Variants in CACNA1D observed in about 807,000 individuals in gnomAD.
The protein encoded by CACNA1D is voltage-dependent L-type calcium channel subunit alpha-1D.
CACNA1D carries 55 observed loss-of-function variants against 257.1 expected under a neutral mutation model. The ratio of observed to expected loss-of-function variants is 0.21; its 90% CI spans 0.17 to 0.27. The LOEUF (loss-of-function observed/expected upper bound fraction) is 0.27. Among genes scored for constraint, CACNA1D ranks in the 10% least tolerant of loss-of-function variants. CACNA1D has a pLI of 1.00. For synonymous variants in CACNA1D, 980 were observed against 1,014.9 expected (o/e 0.97, Z 0.65); for missense variants, 1,876 against 2,784.0 (o/e 0.67, Z 7.34).
At chr3:53,557,029 CT>C (rs1159538382) in intron 3 of CACNA1D, among the ~76,000 whole-genome samples, 1 of 152,074 alleles carries the variant, frequency 6.6e-6, no homozygotes, top group African/African-American at 2.4e-5. Context: ...TTTCTGTTCT[CT>C]AAGTGTGTTT....
At position 53,812,437 on chromosome 3, in the gene CACNA1D, C is replaced by T. The variant is rs1479406271; in HGVS notation, c.*1031C>T. On this transcript the variant is annotated 3_prime_UTR_variant, in exon 48 of 48. Transcript: ENST00000350061. ...AATTTTTCTAAAATATTTTGAGTCA[C>T]TATAAACCTATCATCTTTCCACAAG... 6.6e-6 allele frequency: 1 copy of T among 152,208 alleles called. No individual in the cohort carries two copies. The highest frequency in any genetic ancestry group is 2.4e-5 in the African/African-American group (1 of 41,440). 9.4% of individuals were successfully genotyped at this position (152,208 alleles called of 1,614,324 possible). A position where few individuals can be genotyped will look rare whatever the true frequency, so the allele number is the denominator to read the frequency against.
At chr3:53,535,562 T>G (rs1415372889) in intron 3 of CACNA1D, among the ~76,000 whole-genome samples, 1 of 152,230 alleles carries the variant, frequency 6.6e-6, no homozygotes, top group East Asian at 1.9e-4. Context: ...AGCTCTGCAT[T>G]GGATGGATCT....
chr3:53,519,706 T>C (rs902113611), intron 3 of CACNA1D, among the ~76,000 whole-genome samples: 2 of 152,252 alleles, frequency 1.3e-5, no homozygotes, highest in African/African-American at 2.4e-5. Flanking sequence ...CAGTGTTTTT[T>C]ACTATATTCA....
chr3:53,787,038 T>C, intron 40 of CACNA1D, 86 bp downstream of exon 40: 1 of 1,392,484 alleles, frequency 7.2e-7, no homozygotes, highest in Non-Finnish European at 1.0e-6. Context: ...CTATTCATGG[T>C]TGAGCAGTAC....
At chr3:53,724,862 G>A (rs1361544189) in intron 14 of CACNA1D, among the ~76,000 whole-genome samples, 1 of 152,092 alleles carries the variant, frequency 6.6e-6, no homozygotes, top group Non-Finnish European at 1.5e-5. Flanking sequence ...GAATGATCTG[G>A]ACAATTCTCT....
chr3:53,739,120 C>T (rs1261417089), intron 20 of CACNA1D, among the ~76,000 whole-genome samples: 1 of 152,206 alleles, frequency 6.6e-6, no homozygotes, highest in African/African-American at 2.4e-5. Flanking sequence ...ACACAGCCCC[C>T]AGGCGACTCC....
At chr3:53,771,116 T>G (rs2095363972) in intron 32 of CACNA1D, among the ~76,000 whole-genome samples, 1 of 152,138 alleles carries the variant, frequency 6.6e-6, no homozygotes, top group Non-Finnish European at 1.5e-5. Flanking sequence ...GTTCTAGACT[T>G]TCCCAAGTAG....
At chr3:53,787,329 C>A (rs573045493) in intron 40 of CACNA1D, among the ~76,000 whole-genome samples, 2 of 152,120 alleles carry the variant, frequency 1.3e-5, no homozygotes, top group East Asian at 1.9e-4. Context: ...TCCATCTGAA[C>A]GCAAGTGCTT....
At chr3:53,701,912 A>G (rs763676474) in intron 8 of CACNA1D, among the ~76,000 whole-genome samples, 51 of 152,174 alleles carry the variant, frequency 3.4e-4, no homozygotes, top group Admixed American at 2.0e-4. Context: ...AGAAAATCAT[A>G]TGCCTCTTCC....
chr3:53,508,368 G>C (rs1364593179), intron 3 of CACNA1D, among the ~76,000 whole-genome samples: 1 of 151,894 alleles, frequency 6.6e-6, no homozygotes, highest in South Asian at 2.1e-4. Flanking sequence ...GTGAAGGTTT[G>C]TTACATAGGT....
chr3:53,542,649 T>A (rs2092323074), intron 3 of CACNA1D, among the ~76,000 whole-genome samples: 1 of 152,070 alleles, frequency 6.6e-6, no homozygotes, highest in South Asian at 2.1e-4. Flanking sequence ...TAGGGTTAGA[T>A]GCAAGTTAGA....
At chr3:53,535,989 A>G (rs1357937742) in intron 3 of CACNA1D, among the ~76,000 whole-genome samples, 1 of 152,224 alleles carries the variant, frequency 6.6e-6, no homozygotes, top group East Asian at 1.9e-4. Flanking sequence ...AGTAGATATT[A>G]GTGACAGATT....
chr3:53,651,366 C>CTTTT (rs779207160), intron 4 of CACNA1D, among the ~76,000 whole-genome samples: 4,558 of 81,520 alleles, frequency 0.056, 785 homozygotes, highest in Admixed American at 0.079. Flanking sequence ...TATTAATTTT[C>CTTTT]TTTTTTTTTT....
At chr3:53,782,264 G>GTATATATATATATATATATATATATA (rs1553680730) in intron 39 of CACNA1D, 12 of 75,444 alleles carry the variant, frequency 1.6e-4, no homozygotes, top group South Asian at 5.1e-4. Flanking sequence ...GTGTGTGTGT[G>GTATATATATATATATATATATATATA]TATATATATA....
intron 3 of CACNA1D, among the ~76,000 whole-genome samples, chr3:53,641,176 A>G (rs1308882805): frequency 6.6e-6 from 1 of 152,144 alleles, no homozygotes; most frequent in Admixed American, 6.5e-5. Context: ...GACCCATGAC[A>G]GACGTCAGTT....
At chr3:53,620,358 A>G (rs777198516) in intron 3 of CACNA1D, among the ~76,000 whole-genome samples, 1 of 152,184 alleles carries the variant, frequency 6.6e-6, no homozygotes. Flanking sequence ...TGGTGTGATC[A>G]TAGCTTATTG....
At chr3:53,742,980 A>T in intron 21 of CACNA1D, 31 bp from the exon 22 acceptor site, 1 of 1,435,246 alleles carries the variant, frequency 7.0e-7, no homozygotes, top group Non-Finnish European at 9.8e-7. Context: ...GGAGACAAAA[A>T]ATGGTAAATC....
At chr3:53,764,568 A>G (rs986118261) in intron 30 of CACNA1D, among the ~76,000 whole-genome samples, 2 of 152,140 alleles carry the variant, frequency 1.3e-5, no homozygotes, top group Admixed American at 6.5e-5. Flanking sequence ...CTCACGCCTG[A>G]CCTGCCTGCT....
chr3:53,506,686 G>A (rs1559763439), intron 3 of CACNA1D, among the ~76,000 whole-genome samples: 1 of 152,180 alleles, frequency 6.6e-6, no homozygotes, highest in Non-Finnish European at 1.5e-5. Context: ...CTGACTTTTT[G>A]TCCATTAGTA....
Sources: allele counts gnomAD v4.1 joint callset (sites outside exome capture counted in the v4.1 genomes callset), GRCh38; gene constraint gnomAD v4.1.1; transcripts MANE v1.5; gene names NCBI Gene and HGNC (gene_info 2026-07-23, HGNC 2026-07-21).